MMP8: variants seen among roughly 807,000 people sequenced by gnomAD.
MMP8 encodes the protein neutrophil collagenase.
MMP8 carries 67 observed loss-of-function variants against 51.2 expected under a neutral mutation model. That is an observed-to-expected ratio of 1.31 (90% CI 1.08 to 1.60). MMP8 has a LOEUF of 1.60. Among genes scored for constraint, MMP8 ranks in the 40% most tolerant of loss-of-function variants. The pLI, the probability that MMP8 is intolerant of heterozygous loss-of-function variation, is 0.00. For missense variants in MMP8, 654 were observed against 558.1 expected, an observed-to-expected ratio of 1.17 and a Z score of -1.73; for synonymous variants, 225 against 191.0, an observed-to-expected ratio of 1.18 and a Z score of -1.47.
At chr11:102,717,470 TTTAA>T (rs1487732851) in intron 5 of MMP8, among the ~76,000 whole-genome samples, 1 of 152,364 alleles carries the variant, frequency 6.6e-6, no homozygotes, top group African/African-American at 2.4e-5. Context: ...TATTGTGTAA[TTTAA>T]TTAATACATT....
rs753882335 is a variant in MMP8 at position 102,722,559 on chromosome 11, T to G, written c.217A>C (p.Asn73His). ...TCCTCATTTGGCTTCCCCGTCACAT[T>G]CAACCCAAAAAATCGCTGCATTTCT... ...LKEMQRFFGLNVTGKPNEETL... is the reference protein window; with the variant it reads ...LKEMQRFFGLHVTGKPNEETL... Residue 73 changes from asparagine to histidine, a missense_variant, in exon 2 of 10, where the codon AAT (asparagine) becomes CAT (histidine). Physicochemically the swap from Asn to His is moderately conservative, Grantham distance 68. Coordinates refer to ENST00000236826, the MANE Select transcript of MMP8 (RefSeq NM_002424.3). The G allele has an allele frequency of 6.2e-7, 1 of 1,613,950 alleles. No homozygotes were observed. Among genetic ancestry groups the G allele is most frequent in the Non-Finnish European group, 8.5e-7 (1 of 1,179,848 alleles).
chr11:102,722,784 A>C, intron 1 of MMP8, 111 bp from the exon 2 acceptor site: 1 of 1,441,198 alleles, frequency 6.9e-7, no homozygotes, highest in East Asian at 2.4e-5. Context: ...TGACAGCCAC[A>C]GGAACAATAA....
In MMP8 at chr11:102,721,783, T is replaced by G. The variant is rs116525037; in HGVS notation, c.348-21A>C. On this transcript the variant is annotated intron_variant, in intron 2 of 9. Transcript: ENST00000236826. ...GAATCCTTCAAAATGAGAGGATGTA[T>G]GAAGAGTTAAATGTTATTTAGAACA... is the stretch of plus-strand genomic sequence containing the variant. The G allele has an allele frequency of 9.1e-4, 1,475 of 1,612,536 alleles. 10 individuals are homozygous for G. In the African/African-American group the frequency reaches 0.017, roughly 19 times the overall value.
chr11:102,721,154 T>C (rs1027553185), intron 4 of MMP8, among the ~76,000 whole-genome samples: 1 of 152,198 alleles, frequency 6.6e-6, no homozygotes, highest in Non-Finnish European at 1.5e-5. Flanking sequence ...TTGGCCGTAG[T>C]CTGTATTTTC....
intron 6 of MMP8, 24 bp from the exon 7 acceptor site, chr11:102,715,461 C>T (rs773627193): frequency 6.2e-7 from 1 of 1,604,818 alleles, no homozygotes; most frequent in South Asian, 1.1e-5. Context: ...AGGAAACACA[C>T]ACACACACTT....
chr11:102,713,898 G>T, intron 8 of MMP8, 41 bp from the exon 9 acceptor site: 1 of 1,469,534 alleles, frequency 6.8e-7, no homozygotes, highest in African/African-American at 1.4e-5. Flanking sequence ...CACCAATACA[G>T]AATATAACGA....
rs1412795416 is a variant in MMP8 at position 102,724,823 on chromosome 11, G to C, written c.33C>G (p.Leu11=). The change falls in exon 1 of 10, where the codon CTC becomes CTG. Residue 11 remains leucine, a synonymous_variant. Transcript: ENST00000236826. ...CCTTGGAAATCTGCACATGGAGTAA[G>C]AGCAGAAATGGAAGCGTCTTCAGGG... MFSLKTLPFL[L]LLHVQISKAF... 2.5e-6 allele frequency: 4 copies of C among 1,610,112 alleles called. No homozygotes were observed. The highest frequency in any genetic ancestry group is 3.3e-5 in the Admixed American group (2 of 59,732).
chr11:102,721,573 G>C, intron 3 of MMP8, 41 bp downstream of exon 3: 1 of 1,613,356 alleles, frequency 6.2e-7, no homozygotes. Context: ...TTTCAGGTTA[G>C]CCAAAGAAAG....
Position 102,713,280 on chromosome 11 carries a change from T to C in MMP8, c.*68A>G. 1 of 1,059,342 alleles carries C rather than the reference T, an allele frequency of 9.4e-7. No homozygotes were observed. 65.6% of individuals were successfully genotyped at this position (1,059,342 alleles called of 1,614,324 possible). A position where few individuals can be genotyped will look rare whatever the true frequency, so the allele number is the denominator to read the frequency against. ...AGAAAAGTATAAGCAGGACACAATG[T>C]AACGAAAATGCTTGCTGAACTTCCC... On this transcript the variant is annotated 3_prime_UTR_variant, in exon 10 of 10. Transcript: ENST00000236826.
At chr11:102,713,576 A>G in intron 9 of MMP8, 119 bp from the exon 10 acceptor site, 1 of 1,051,056 alleles carries the variant, frequency 9.5e-7, no homozygotes, top group Non-Finnish European at 1.4e-6. Flanking sequence ...CTATTTAAAA[A>G]ATTTAAACAC....
rs184994214 is a variant in MMP8, at chr11:102,723,911, C to T, written c.102+843G>A. The T allele has an allele frequency of 2.4e-3, 771 of 323,508 alleles. 4 individuals carry two copies. The highest frequency in any genetic ancestry group is 7.8e-3 in the Middle Eastern group (20 of 2,562). The allele number at this position is 323,508 out of a possible 1,614,324, so 20.0% of individuals were successfully genotyped here. ...CCATGAATTAACTGTGAGCACTTGGCCACATTATTTATCTGATTTAAGATA... is the reference window on the plus strand; with the variant it reads ...CCATGAATTAACTGTGAGCACTTGGTCACATTATTTATCTGATTTAAGATA... On this transcript the variant is annotated intron_variant, in intron 1 of 9. Transcript: ENST00000236826.
At position 102,724,864 on chromosome 11, in the gene MMP8, C is replaced by G; in HGVS notation, c.-9G>C. On this transcript the variant is annotated 5_prime_UTR_variant, in exon 1 of 10. Coordinates refer to ENST00000236826, the MANE Select transcript of MMP8 (RefSeq NM_002424.3). Reference sequence around the variant, plus strand: ...GTCTTCAGGGAGAACATGATCTTCTCTTCAAACTCTACCCCTCCTGGCTTT... The same window carrying G: ...GTCTTCAGGGAGAACATGATCTTCTGTTCAAACTCTACCCCTCCTGGCTTT... 1 of 1,605,832 alleles carries G rather than the reference C, an allele frequency of 6.2e-7. No homozygotes were observed. Among genetic ancestry groups the G allele is most frequent in the Non-Finnish European group, 8.5e-7 (1 of 1,175,344 alleles).
chr11:102,713,464 A>G lies in MMP8; in HGVS notation c.1295-7T>C, dbSNP rs1321317683. 1.9e-6 allele frequency: 3 copies of G among 1,589,816 alleles called. No homozygotes were observed. In the Admixed American group the frequency reaches 5.0e-5, roughly 27 times the overall value. The stretch of plus-strand genomic sequence containing the variant: ...CTGAAGACATGGAAGAAATCTATAA[A>G]AAAAGAGAGATAATTTATTGAATTA... On this transcript the variant is annotated splice_region_variant and splice_polypyrimidine_tract_variant and intron_variant, in intron 9 of 9. Coordinates refer to ENST00000236826, the MANE Select transcript of MMP8 (RefSeq NM_002424.3).
At position 102,715,311 on chromosome 11, in the gene MMP8, T is replaced by C. The variant is rs752108896; in HGVS notation, c.1029A>G (p.Leu343=). 2 of 1,610,138 alleles carry C rather than the reference T, an allele frequency of 1.2e-6. No homozygotes were observed. The highest frequency in any genetic ancestry group is 1.3e-5 in the African/African-American group (1 of 74,654). The change falls in exon 7 of 10, where the codon CTA becomes CTG. Residue 343 remains leucine, a synonymous_variant. Transcript: ENST00000236826. The stretch of plus-strand genomic sequence containing the variant: ...AAAACTTTAGGAAGTTACCTTTAAA[T>C]AGGAAAATGAGGTCTCTGTCAAAAT... ...YEDFDRDLIF[L]FKGNQYWALS...
At chr11:102,720,665 G>C (rs186021058) in intron 4 of MMP8, among the ~76,000 whole-genome samples, 2 of 152,290 alleles carry the variant, frequency 1.3e-5, no homozygotes, top group Admixed American at 1.3e-4. Flanking sequence ...AAGCAGCCCA[G>C]TCCTTCTTAA....
At chr11:102,719,025 T>C (rs1225398831) in intron 4 of MMP8, among the ~76,000 whole-genome samples, 1 of 152,214 alleles carries the variant, frequency 6.6e-6, no homozygotes, top group Non-Finnish European at 1.5e-5. Context: ...CAGCCTCAGA[T>C]GGAGGGCTGG....
intron 2 of MMP8, 23 bp from the exon 3 acceptor site, chr11:102,721,785 A>G (rs1488151943): frequency 6.2e-7 from 1 of 1,612,420 alleles, no homozygotes; most frequent in Admixed American, 1.7e-5. Context: ...AGGATGTATG[A>G]AGAGTTAAAT....
At chr11:102,720,524 G>A (rs1404615988) in intron 4 of MMP8, among the ~76,000 whole-genome samples, 2 of 152,224 alleles carry the variant, frequency 1.3e-5, no homozygotes, top group African/African-American at 2.4e-5. Flanking sequence ...GGAGGAACAG[G>A]TGCCAAGCAA....
Position 102,721,357 on chromosome 11 carries a change from G to T in MMP8, c.622+44C>A, listed in dbSNP as rs373240316. On this transcript the variant is annotated intron_variant, in intron 4 of 9. Coordinates refer to ENST00000236826, the MANE Select transcript of MMP8 (RefSeq NM_002424.3). ...GTGTGTGTATTCTAATCTGTAAAAG[G>T]TTAATTCAGAAGCTGTGTGTGGACA... 5.0e-6 allele frequency: 8 copies of T among 1,602,114 alleles called. No individual in the cohort carries two copies. In the African/African-American group the frequency reaches 5.4e-5, roughly 11 times the overall value.
Sources: gnomAD v4.1 joint callset for allele counts (sites outside exome capture counted in the v4.1 genomes callset) on GRCh38, gnomAD v4.1.1 for gene constraint, MANE v1.5 for transcripts, NCBI Gene and HGNC (gene_info 2026-07-23, HGNC 2026-07-21) for gene names.